Variants in ZNF614 observed in about 807,000 individuals in gnomAD.
ZNF614 encodes zinc finger protein 614.
Under a neutral mutation model 12.8 loss-of-function variants are expected in ZNF614, and 11 were observed. That is an observed-to-expected ratio of 0.86 (90% CI 0.54 to 1.43). The LOEUF is 1.43. ZNF614 is among the 40% of genes most tolerant of loss of function. The probability of loss-of-function intolerance (pLI) is 0.00; values close to 1 mark genes in which losing one functional copy is unlikely to be tolerated. For synonymous variants in ZNF614, 237 were observed against 237.5 expected (o/e 1.00, Z 0.02); for missense variants, 664 against 708.8 (o/e 0.94, Z 0.72).
In ZNF614 at chr19:52,013,790, A is replaced by G. The variant is rs2086880495; in HGVS notation, c.*2050T>C. 1 of 152,202 alleles carries G rather than the reference A, an allele frequency of 6.6e-6. No homozygotes were observed. The highest frequency in any genetic ancestry group is 2.4e-5 in the African/African-American group (1 of 41,454). 9.4% of individuals were successfully genotyped at this position (152,202 alleles called of 1,614,324 possible). On this transcript the variant is annotated 3_prime_UTR_variant, in exon 5 of 5. Transcript: ENST00000270649. Reference sequence around the variant, plus strand: ...GTGGTTACACGAATCTGTACATGTAATACAACTTCTTAGAGTACAAACTAA... The same window carrying G: ...GTGGTTACACGAATCTGTACATGTAGTACAACTTCTTAGAGTACAAACTAA...
chr19:52,025,398 G>A (rs772820738), intron 2 of ZNF614, among the ~76,000 whole-genome samples: 2 of 152,018 alleles, frequency 1.3e-5, no homozygotes, highest in African/African-American at 2.4e-5. Context: ...ATGGCTCACT[G>A]TAGCCTCGTC....
intron 1 of ZNF614, among the ~76,000 whole-genome samples, chr19:52,027,525 T>C (rs2086983120): frequency 6.6e-6 from 1 of 152,210 alleles, no homozygotes; most frequent in Non-Finnish European, 1.5e-5. Context: ...GTGGGAGACC[T>C]TGGACCACGT....
At chr19:52,018,293 C>T (rs1271727244) in intron 3 of ZNF614, 75 bp downstream of exon 3, 1 of 1,607,544 alleles carries the variant, frequency 6.2e-7, no homozygotes, top group African/African-American at 1.3e-5. Flanking sequence ...GACTGTAAAG[C>T]TTTGATTAGG....
At position 52,028,347 on chromosome 19, in the gene ZNF614, G is replaced by A. The variant is rs1285540524; in HGVS notation, c.-322C>T. ...GCTCCTGCGCGGACTCCGGGAAGCT[G>A]AGCGGTAAAGACCGTGAAGCGAGGC... On this transcript the variant is annotated 5_prime_UTR_variant, in exon 1 of 5. Transcript: ENST00000270649. The A allele has an allele frequency of 6.9e-6, 1 of 145,536 alleles. No homozygotes were observed. The highest frequency in any genetic ancestry group is 6.9e-5 in the Admixed American group (1 of 14,392). 9.0% of individuals were successfully genotyped at this position (145,536 alleles called of 1,614,324 possible). A position where few individuals can be genotyped will look rare whatever the true frequency, so the allele number is the denominator to read the frequency against.
At chr19:52,019,885 A>G (rs554665737) in intron 2 of ZNF614, among the ~76,000 whole-genome samples, 1 of 152,328 alleles carries the variant, frequency 6.6e-6, no homozygotes, top group East Asian at 1.9e-4. Context: ...TCTATGCTAT[A>G]TTACTGTGTG....
rs777404682 is a variant in ZNF614, at chr19:52,016,739, A to G, written c.859T>C (p.Tyr287His). ...CCCTTTCCACACTCACTGCACATAT[A>G]GGATTTCTCTTCTGTATGGGTTTGT... is the stretch of plus-strand genomic sequence containing the variant. Reference protein sequence around the residue: ...HQQTHTEEKSYMCSECGKGFT... With the variant: ...HQQTHTEEKSHMCSECGKGFT... The change falls in exon 5 of 5, where the codon TAT (tyrosine) becomes CAT (histidine). Residue 287 changes from tyrosine (Y) to histidine (H), a missense_variant. Tyr to His is a moderately conservative substitution (Grantham distance 83). Coordinates refer to ENST00000270649, the MANE Select transcript of ZNF614 (RefSeq NM_025040.4). 1.2e-6 allele frequency: 2 copies of G among 1,614,166 alleles called. No homozygotes were observed. The highest frequency in any genetic ancestry group is 2.2e-5 in the South Asian group (2 of 91,082).
At chr19:52,027,247 G>A (rs1238234523) in intron 1 of ZNF614, among the ~76,000 whole-genome samples, 1 of 152,224 alleles carries the variant, frequency 6.6e-6, no homozygotes, top group African/African-American at 2.4e-5. Flanking sequence ...AACCACGTGT[G>A]CCCATGTACT....
Position 52,015,859 on chromosome 19 carries a change from TG to T in ZNF614, c.1738del (p.Gln580SerfsTer18), listed in dbSNP as rs769282366. On this transcript the variant is annotated frameshift_variant, in exon 5 of 5. Coordinates refer to ENST00000270649, the MANE Select transcript of ZNF614 (RefSeq NM_025040.4). LOFTEE classifies it low-confidence loss of function (END_TRUNC). ...ATGAGTTCACTTATAAGGAAGGAGC[TG>T]TGACTCTCCATTACAGGAGTTTTCA... ...QVENSCNGES[Q>X]LLPYK is the part of the protein sequence containing the mutation. 1.2e-6 allele frequency: 2 copies of T among 1,612,292 alleles called. No homozygotes were observed. Among genetic ancestry groups the T allele is most frequent in the Non-Finnish European group, 1.7e-6 (2 of 1,178,888 alleles).
intron 1 of ZNF614, 31 bp from the exon 2 acceptor site, chr19:52,025,992 T>C (rs984439289): frequency 6.1e-6 from 3 of 493,126 alleles, no homozygotes; most frequent in African/African-American, 3.9e-5. Flanking sequence ...CAGTGTACAT[T>C]AACCCTGGGT....
chr19:52,028,120 C>T (rs532046541), intron 1 of ZNF614, 122 bp downstream of exon 1: 1 of 152,596 alleles, frequency 6.6e-6, no homozygotes, highest in South Asian at 2.1e-4. Context: ...AGCCAAAGGA[C>T]CCGTCATTAA....
At position 52,022,150 on chromosome 19, in the gene ZNF614, C is replaced by T. The variant is rs186481994; in HGVS notation, c.15+3581G>A. Among the ~76,000 whole-genome samples the T allele has an allele frequency of 3.0e-3, 464 of 152,332 alleles. 2 individuals carry two copies. Among genetic ancestry groups the T allele is most frequent in the African/African-American group, 0.011 (448 of 41,570 alleles). ...ACTGAATGTTTTTGTGCAGTGTTTT[C>T]CAACACTAACAACCAATTCTCCAAT... On this transcript the variant is annotated intron_variant, in intron 2 of 4. Coordinates refer to ENST00000270649, the MANE Select transcript of ZNF614 (RefSeq NM_025040.4).
In ZNF614 at chr19:52,020,588, G is replaced by C. The variant is rs1354986557; in HGVS notation, c.16-2094C>G. Among the ~76,000 whole-genome samples, 3 of 152,198 alleles carry C rather than the reference G, an allele frequency of 2.0e-5. No individual in the cohort carries two copies. In the South Asian group the frequency reaches 6.2e-4, roughly 31 times the overall value. The stretch of plus-strand genomic sequence containing the variant: ...ATTGAGACTTCATGATGTAGGCACA[G>C]TTTATTGAAGCATTGCCCATGTAGC... On this transcript the variant is annotated intron_variant, in intron 2 of 4. Coordinates refer to ENST00000270649, the MANE Select transcript of ZNF614 (RefSeq NM_025040.4).
In ZNF614 at chr19:52,018,068, A is replaced by G. The variant is rs752869601; in HGVS notation, c.178T>C (p.Leu60=). The stretch of plus-strand genomic sequence containing the variant: ...GTCCATGGTTCTTGTCCATGTGCCA[A>G]CTTGGAGAGTACATCTGGTTTGCTA... ...QTSKPDVLSK[L]AHGQEPWTTD... Residue 60 remains leucine (L), a synonymous_variant, in exon 4 of 5, where the codon TTG becomes CTG. Coordinates refer to ENST00000270649, the MANE Select transcript of ZNF614 (RefSeq NM_025040.4). The G allele has an allele frequency of 6.2e-7, 1 of 1,613,988 alleles. No individual in the cohort carries two copies. The highest frequency in any genetic ancestry group is 8.5e-7 in the Non-Finnish European group (1 of 1,179,998).
At position 52,025,742 on chromosome 19, in the gene ZNF614, T is replaced by C; in HGVS notation, c.4A>G (p.Ile2Val). The change falls in exon 2 of 5, where the codon ATC becomes GTC. Residue 2 changes from isoleucine to valine, a missense_variant. By Grantham distance (29) the Ile-to-Val change is conservative (BLOSUM62 3). Coordinates refer to ENST00000270649, the MANE Select transcript of ZNF614 (RefSeq NM_025040.4). ...AGGGAAAATATCACCTGGGTCTTGA[T>C]CATTTTCTTCTGTGCTCAGAAAATA... M[I>V]KTQESLTLED... The C allele has an allele frequency of 6.2e-7, 1 of 1,614,054 alleles. No individual in the cohort carries two copies. Among genetic ancestry groups the C allele is most frequent in the Middle Eastern group, 1.6e-4 (1 of 6,062 alleles).
At chr19:52,020,775 CATATAG>C (rs151218596) in intron 2 of ZNF614, among the ~76,000 whole-genome samples, 120 of 152,302 alleles carry the variant, frequency 7.9e-4, no homozygotes, top group Non-Finnish European at 1.2e-3. Flanking sequence ...CACCACTATA[CATATAG>C]ATATAAACTA....
chr19:52,023,469 T>A (rs1446061355), intron 2 of ZNF614, among the ~76,000 whole-genome samples: 1 of 152,142 alleles, frequency 6.6e-6, no homozygotes, highest in Non-Finnish European at 1.5e-5. Flanking sequence ...TTATAGAACT[T>A]ACTCTCCAGT....
chr19:52,015,557 C>G lies in ZNF614; in HGVS notation c.*283G>C, dbSNP rs1242609643. 3.8e-6 allele frequency: 1 copy of G among 263,644 alleles called. No homozygotes were observed. The highest frequency in any genetic ancestry group is 7.2e-6 in the Non-Finnish European group (1 of 139,144). The allele number at this position is 263,644 out of a possible 1,614,324, so 16.3% of individuals were successfully genotyped here. A position where few individuals can be genotyped will look rare whatever the true frequency, so the allele number is the denominator to read the frequency against. ...TCAGACATATGAGCAGAAATTATTG[C>G]TCAAAACATCTCCACATTAATATAG... is the stretch of plus-strand genomic sequence containing the variant. On this transcript the variant is annotated 3_prime_UTR_variant, in exon 5 of 5. Coordinates refer to ENST00000270649, the MANE Select transcript of ZNF614 (RefSeq NM_025040.4).
rs917316296 is a variant in ZNF614 at position 52,013,883 on chromosome 19, A to G, written c.*1957T>C. The G allele has an allele frequency of 2.0e-5, 3 of 152,156 alleles. No homozygotes were observed. The highest frequency in any genetic ancestry group is 7.2e-5 in the African/African-American group (3 of 41,432). The allele number at this position is 152,156 out of a possible 1,614,324, so 9.4% of individuals were successfully genotyped here. On this transcript the variant is annotated 3_prime_UTR_variant, in exon 5 of 5. Transcript: ENST00000270649. ...ATTAGTACTTTATAGTATCCTACCAATGTTGTTTTTCTGGTTTTGATAATT... is the reference window on the plus strand; with the variant it reads ...ATTAGTACTTTATAGTATCCTACCAGTGTTGTTTTTCTGGTTTTGATAATT...
At chr19:52,026,677 G>T (rs559667745) in intron 1 of ZNF614, among the ~76,000 whole-genome samples, 5 of 152,278 alleles carry the variant, frequency 3.3e-5, no homozygotes, top group Admixed American at 6.5e-5. Flanking sequence ...GCCTCTTTGC[G>T]GTTGAGATAA....
Sources: allele counts gnomAD v4.1 joint callset (sites outside exome capture counted in the v4.1 genomes callset), GRCh38; gene constraint gnomAD v4.1.1; transcripts MANE v1.5; gene names NCBI Gene and HGNC (gene_info 2026-07-23, HGNC 2026-07-21).